Variants in DTNB observed in about 807,000 individuals in gnomAD.
DTNB encodes dystrobrevin beta.
A neutral mutation model predicts 90.7 loss-of-function variants in DTNB; 63 were observed. The ratio of observed to expected loss-of-function variants is 0.69; its 90% CI spans 0.57 to 0.86. DTNB has a LOEUF of 0.86. DTNB is among the 40% of genes least tolerant of loss of function. DTNB has a pLI of 0.00. For missense variants in DTNB, 744 were observed against 807.1 expected, an observed-to-expected ratio of 0.92 and a Z score of 0.95; for synonymous variants, 277 against 286.7, an observed-to-expected ratio of 0.97 and a Z score of 0.34.
intron 8 of DTNB, 86 bp from the exon 9 acceptor site, chr2:25,531,683 G>T (rs2078235714): frequency 1.3e-6 from 2 of 1,496,172 alleles, no homozygotes; most frequent in Admixed American, 2.6e-5. Flanking sequence ...TGTGACAAGA[G>T]TGTAAAAACA....
intron 16 of DTNB, among the ~76,000 whole-genome samples, chr2:25,392,542 C>T (rs549487728): frequency 2.2e-4 from 33 of 152,176 alleles, no homozygotes; most frequent in Admixed American, 1.2e-3. Flanking sequence ...CAAATAAGCT[C>T]AAATAGAAAC....
Position 25,433,914 on chromosome 2 carries a change from T to G in DTNB, c.1339A>C (p.Asn447His). The G allele has an allele frequency of 6.2e-7, 1 of 1,613,806 alleles. No individual in the cohort carries two copies. Among genetic ancestry groups the G allele is most frequent in the Non-Finnish European group, 8.5e-7 (1 of 1,179,774 alleles). ...RQLIAELENK[N>H]REILQEIQRL... Reference sequence around the variant, plus strand: ...GCTCAGCCTCTGCGTTCTTACCTGTTTTTGTTTTCCAGTTCTGCAATAAGC... The same window carrying G: ...GCTCAGCCTCTGCGTTCTTACCTGTGTTTGTTTTCCAGTTCTGCAATAAGC... The change falls in exon 13 of 21, where the codon AAC becomes CAC. Residue 447 changes from asparagine (N) to histidine (H), a missense_variant. Physicochemically the swap from Asn to His is moderately conservative, Grantham distance 68. Coordinates refer to ENST00000406818, the MANE Select transcript of DTNB (RefSeq NM_021907.5).
chr2:25,526,150 C>A (rs2077043731), intron 9 of DTNB, among the ~76,000 whole-genome samples: 1 of 151,730 alleles, frequency 6.6e-6, no homozygotes, highest in Admixed American at 6.6e-5. Context: ...CTCCAACATA[C>A]TTCTCCTGGT....
intron 2 of DTNB, among the ~76,000 whole-genome samples, chr2:25,645,371 GA>G (rs1017386878): frequency 2.1e-5 from 3 of 141,396 alleles, no homozygotes; most frequent in African/African-American, 5.2e-5. Context: ...AAAAAAAAAA[GA>G]AAAAAAAAGA....
intron 2 of DTNB, among the ~76,000 whole-genome samples, chr2:25,644,395 A>G (rs2079001697): frequency 6.6e-6 from 1 of 152,234 alleles, no homozygotes; most frequent in South Asian, 2.1e-4. Flanking sequence ...GAAGAGATAT[A>G]GAGCTAGAAG....
At chr2:25,440,444 T>C (rs2057106668) in intron 12 of DTNB, among the ~76,000 whole-genome samples, 1 of 152,220 alleles carries the variant, frequency 6.6e-6, no homozygotes, top group African/African-American at 2.4e-5. Flanking sequence ...AATTTTGTAC[T>C]CTTGCATCGT....
At chr2:25,521,218 AC>A (rs2150796477) in intron 9 of DTNB, among the ~76,000 whole-genome samples, 1 of 152,084 alleles carries the variant, frequency 6.6e-6, no homozygotes, top group East Asian at 1.9e-4. Context: ...GTTTTTAGAC[AC>A]CCTTCTTTGA....
At chr2:25,606,457 C>T (rs961533164) in intron 5 of DTNB, among the ~76,000 whole-genome samples, 3 of 152,166 alleles carry the variant, frequency 2.0e-5, no homozygotes, top group Non-Finnish European at 4.4e-5. Flanking sequence ...GTTAAAACCC[C>T]AGCTTTGCCC....
Position 25,627,203 on chromosome 2 carries a change from G to A in DTNB, c.362+968C>T, listed in dbSNP as rs564995179. On this transcript the variant is annotated intron_variant, in intron 4 of 20. Coordinates refer to ENST00000406818, the MANE Select transcript of DTNB (RefSeq NM_021907.5). ...CAAGGTGGGCGGATCACCTGAGGTC[G>A]GGAGTTTGAGACCAGCCTGACCAAC... 5.9e-5 allele frequency among the ~76,000 whole-genome samples: 9 copies of A among 152,180 alleles called. No homozygotes were observed. The East Asian group carries it at 7.8e-4, about 13-fold the overall frequency.
intron 19 of DTNB, among the ~76,000 whole-genome samples, chr2:25,381,943 T>G (rs1361327590): frequency 6.6e-6 from 1 of 152,224 alleles, no homozygotes; most frequent in East Asian, 1.9e-4. Context: ...TCCTGTAGGT[T>G]TCCCTTTCTT....
At chr2:25,641,086 T>G (rs1417239353) in intron 2 of DTNB, among the ~76,000 whole-genome samples, 3 of 152,186 alleles carry the variant, frequency 2.0e-5, no homozygotes, top group Non-Finnish European at 2.9e-5. Context: ...CACTGAAGTT[T>G]CAGGTACAGT....
At position 25,640,504 on chromosome 2, in the gene DTNB, G is replaced by A. The variant is rs903533024; in HGVS notation, c.68-1410C>T. 1.2e-4 allele frequency among the ~76,000 whole-genome samples: 18 copies of A among 152,216 alleles called. No individual in the cohort carries two copies. The East Asian group carries it at 1.7e-3, about 15-fold the overall frequency. ...CAATCAACCTTCCTCCTGATGTCAT[G>A]ATTAAAATTATTTCCTCAGGGGATA... On this transcript the variant is annotated intron_variant, in intron 2 of 20. Transcript: ENST00000406818.
At chr2:25,614,247 T>G (rs1559239378) in intron 4 of DTNB, among the ~76,000 whole-genome samples, 1 of 152,098 alleles carries the variant, frequency 6.6e-6, no homozygotes, top group South Asian at 2.1e-4. Context: ...AAAGACTGAG[T>G]GCTTGTCCCC....
At chr2:25,552,364 C>G (rs2056443529) in intron 8 of DTNB, among the ~76,000 whole-genome samples, 2 of 152,174 alleles carry the variant, frequency 1.3e-5, no homozygotes, top group Admixed American at 6.5e-5. Context: ...TTCCTGTTTT[C>G]CTAGAATCCA....
At chr2:25,392,067 G>A (rs942089699) in intron 16 of DTNB, among the ~76,000 whole-genome samples, 2 of 152,076 alleles carry the variant, frequency 1.3e-5, no homozygotes, top group Non-Finnish European at 2.9e-5. Flanking sequence ...GAAGATCAGA[G>A]CAGAACTAAA....
chr2:25,610,013 A>C (rs1405035433), intron 4 of DTNB, among the ~76,000 whole-genome samples: 1 of 152,232 alleles, frequency 6.6e-6, no homozygotes, highest in Non-Finnish European at 1.5e-5. Context: ...AAAAATAATG[A>C]GATAAATTTT....
intron 5 of DTNB, among the ~76,000 whole-genome samples, chr2:25,597,611 T>C (rs2064913510): frequency 6.6e-6 from 1 of 152,214 alleles, no homozygotes; most frequent in Admixed American, 6.5e-5. Context: ...ATCTTCAGTG[T>C]GTCCTCTCAT....
chr2:25,581,985 C>T (rs1256073417), intron 6 of DTNB, among the ~76,000 whole-genome samples: 4 of 152,226 alleles, frequency 2.6e-5, no homozygotes, highest in African/African-American at 9.7e-5. Flanking sequence ...CAGAATTTCA[C>T]CTTGGTCTCT....
chr2:25,430,146 C>T lies in DTNB; in HGVS notation c.1458-2515G>A, dbSNP rs564776197. On this transcript the variant is annotated intron_variant, in intron 14 of 20. Coordinates refer to ENST00000406818, the MANE Select transcript of DTNB (RefSeq NM_021907.5). Reference sequence around the variant, plus strand: ...TATATAGGTATTATATATGTAAAATCTTGTGTGTATACATACATTATATTA... The same window carrying T: ...TATATAGGTATTATATATGTAAAATTTTGTGTGTATACATACATTATATTA... Among the ~76,000 whole-genome samples, 38 of 151,926 alleles carry T rather than the reference C, an allele frequency of 2.5e-4. No individual in the cohort carries two copies. In the East Asian group the frequency reaches 6.6e-3, roughly 26 times the overall value.
Sources: allele counts gnomAD v4.1 joint callset (sites outside exome capture counted in the v4.1 genomes callset), GRCh38; gene constraint gnomAD v4.1.1; transcripts MANE v1.5; gene names NCBI Gene and HGNC (gene_info 2026-07-23, HGNC 2026-07-21).